The following RPH3AL variants were observed in gnomAD, a reference collection of about 807,000 sequenced individuals.
RPH3AL encodes the protein rab effector Noc2.
A neutral mutation model predicts 43.1 loss-of-function variants in RPH3AL; 38 were observed. The ratio of observed to expected loss-of-function variants is 0.88; its 90% CI spans 0.68 to 1.15. RPH3AL has a LOEUF of 1.15. Ranked by LOEUF, RPH3AL falls within the 50% of genes most tolerant of loss-of-function variation. The pLI, the probability that RPH3AL is intolerant of heterozygous loss-of-function variation, is 0.00. For synonymous variants in RPH3AL, 189 were observed against 176.3 expected, an observed-to-expected ratio of 1.07 and a Z score of -0.57; for missense variants, 462 against 423.2, an observed-to-expected ratio of 1.09 and a Z score of -0.81.
intron 5 of RPH3AL, among the ~76,000 whole-genome samples, chr17:292,837 C>T (rs564166488): frequency 6.3e-4 from 96 of 152,350 alleles, no homozygotes; most frequent in Admixed American, 4.1e-3. Flanking sequence ...GGGAGCACGC[C>T]GAGCCCTGGA....
At chr17:278,543 T>G (rs1320500613) in intron 6 of RPH3AL, among the ~76,000 whole-genome samples, 1 of 152,100 alleles carries the variant, frequency 6.6e-6, no homozygotes, top group African/African-American at 2.4e-5. Flanking sequence ...TGGAATGCTT[T>G]CCCTCCACAT....
chr17:315,471 CTCCCACCTCCATT>C (rs2043974095), intron 5 of RPH3AL, among the ~76,000 whole-genome samples: 1 of 12,278 alleles, frequency 8.1e-5, no homozygotes, highest in African/African-American at 2.1e-4. Context: ...AGTCCCTGTG[CTCCCACCTCCATT>C]GACCTGTAGT....
At chr17:346,561 C>T (rs1317281451) in intron 1 of RPH3AL, among the ~76,000 whole-genome samples, 1 of 134,020 alleles carries the variant, frequency 7.5e-6, no homozygotes, top group African/African-American at 2.6e-5. Flanking sequence ...GAAAGACCCG[C>T]CCCCATGATT....
Position 350,125 on chromosome 17 carries a change from T to C in RPH3AL, c.-213+2587A>G, listed in dbSNP as rs115279777. On this transcript the variant is annotated intron_variant, in intron 1 of 9. Coordinates refer to ENST00000331302, the MANE Select transcript of RPH3AL (RefSeq NM_006987.4). ...TTTCCCTACACTCCATTTCTTCCTC[T>C]GTACAACAGAGGTAATAAGTAATGC... 5.9e-3 allele frequency among the ~76,000 whole-genome samples: 895 copies of C among 152,354 alleles called. 14 individuals are homozygous for C. The highest frequency in any genetic ancestry group is 0.021 in the African/African-American group (864 of 41,572).
At chr17:318,376 C>T (rs1314841752) in intron 5 of RPH3AL, among the ~76,000 whole-genome samples, 1 of 152,054 alleles carries the variant, frequency 6.6e-6, no homozygotes, top group African/African-American at 2.4e-5. Flanking sequence ...AGCAAGACTC[C>T]GTCTCTGGGG....
At chr17:236,878 T>C (rs916090492) in intron 7 of RPH3AL, among the ~76,000 whole-genome samples, 4 of 152,252 alleles carry the variant, frequency 2.6e-5, no homozygotes, top group Admixed American at 1.3e-4. Flanking sequence ...GCGCTGGGTT[T>C]TGGAAGCCGG....
rs1245242341 is a variant in RPH3AL at position 316,366 on chromosome 17, A to G, written c.351+3054T>C. On this transcript the variant is annotated intron_variant, in intron 5 of 9. Coordinates refer to ENST00000331302, the MANE Select transcript of RPH3AL (RefSeq NM_006987.4). ...CCTGTAGTCTCTGTGCTCCACCTCC[A>G]TTGACCTGTAGTCTCTCTGCACCCA... Among the ~76,000 whole-genome samples, 15 of 138,320 alleles carry G rather than the reference A, an allele frequency of 1.1e-4. No individual in the cohort carries two copies. In the East Asian group the frequency reaches 1.5e-3, roughly 14 times the overall value. The allele number at this position is 138,320 out of a possible 152,430, so 90.7% of individuals were successfully genotyped here.
intron 6 of RPH3AL, among the ~76,000 whole-genome samples, chr17:251,393 T>C (rs2041899013): frequency 6.6e-6 from 1 of 152,126 alleles, no homozygotes; most frequent in South Asian, 2.1e-4. Flanking sequence ...GCTTATTATC[T>C]CCACTTTTCA....
chr17:329,225 C>T (rs1171398679), intron 2 of RPH3AL, among the ~76,000 whole-genome samples: 1 of 152,128 alleles, frequency 6.6e-6, no homozygotes, highest in Non-Finnish European at 1.5e-5. Context: ...GTAATCCCAG[C>T]ACTTTGGGAG....
intron 5 of RPH3AL, among the ~76,000 whole-genome samples, chr17:294,383 G>A (rs1250430555): frequency 6.6e-6 from 1 of 152,210 alleles, no homozygotes; most frequent in African/African-American, 2.4e-5. Flanking sequence ...GAGCTCAGAA[G>A]GTCGAGGCTG....
At chr17:218,741 T>C (rs1196653260) in intron 8 of RPH3AL, among the ~76,000 whole-genome samples, 1 of 152,154 alleles carries the variant, frequency 6.6e-6, no homozygotes, top group African/African-American at 2.4e-5. Flanking sequence ...TCCCAGAGGG[T>C]GAGCTCAGGG....
At chr17:267,056 G>A (rs1008831286) in intron 6 of RPH3AL, among the ~76,000 whole-genome samples, 6 of 152,206 alleles carry the variant, frequency 3.9e-5, no homozygotes, top group Admixed American at 3.3e-4. Flanking sequence ...CATCTCTCAC[G>A]TCACCTGTGA....
At position 225,256 on chromosome 17, in the gene RPH3AL, C is replaced by A. The variant is rs2041082834; in HGVS notation, c.614-5520G>T. Among the ~76,000 whole-genome samples the A allele has an allele frequency of 6.6e-6, 1 of 152,090 alleles. No individual in the cohort carries two copies. The highest frequency in any genetic ancestry group is 1.5e-5 in the Non-Finnish European group (1 of 68,032). On this transcript the variant is annotated intron_variant, in intron 7 of 9. Transcript: ENST00000331302. The surrounding 1 kb of genome is among the most constrained non-coding windows in gnomAD (Gnocchi z 4.4). ...TCCTTGGACTTTTATGATGCCGCAG[C>A]AAGAGGAGATGGGGATGGGGCATGG...
chr17:312,153 T>C (rs891819936), intron 5 of RPH3AL, among the ~76,000 whole-genome samples: 25 of 152,148 alleles, frequency 1.6e-4, no homozygotes, highest in African/African-American at 6.0e-4. Context: ...AATTAAAAAT[T>C]AGACAGGCGT....
rs1327744510 is a variant in RPH3AL, at chr17:245,249, A to G, written c.613+1862T>C. Among the ~76,000 whole-genome samples, 1 of 117,542 alleles carries G rather than the reference A, an allele frequency of 8.5e-6. No individual in the cohort carries two copies. The highest frequency in any genetic ancestry group is 8.5e-5 in the Admixed American group (1 of 11,812). 77.1% of individuals were successfully genotyped at this position (117,542 alleles called of 152,430 possible). On this transcript the variant is annotated intron_variant, in intron 7 of 9. Coordinates refer to ENST00000331302, the MANE Select transcript of RPH3AL (RefSeq NM_006987.4). This position sits in a 1 kb window ranked among gnomAD's most constrained non-coding sequence, Gnocchi z 5.9. ...TGTGTGTGTGCGTGTGGATGAGAGC[A>G]TGTGTGTGTGCACGTGGATGTCAGT...
chr17:215,630 A>G lies in RPH3AL; in HGVS notation c.876+24T>C. On this transcript the variant is annotated intron_variant, in intron 9 of 9. Coordinates refer to ENST00000331302, the MANE Select transcript of RPH3AL (RefSeq NM_006987.4). The surrounding 1 kb of genome is among the most constrained non-coding windows in gnomAD (Gnocchi z 4.1). ...CACGGCCGCGGGGGCAGGAGAGGGG[A>G]GAAGGCAGCAGTTGGGTACTCACCG... The G allele has an allele frequency of 7.9e-7, 1 of 1,262,734 alleles. No homozygotes were observed. The highest frequency in any genetic ancestry group is 3.6e-5 in the South Asian group (1 of 27,604). The allele number at this position is 1,262,734 out of a possible 1,614,324, so 78.2% of individuals were successfully genotyped here.
intron 5 of RPH3AL, among the ~76,000 whole-genome samples, chr17:316,427 C>T (rs528154268): frequency 2.7e-5 from 4 of 150,610 alleles, no homozygotes; most frequent in African/African-American, 9.9e-5. Context: ...ACCCCACCTC[C>T]ATTGACCTGT....
At chr17:326,876 G>A (rs1364780892) in intron 3 of RPH3AL, among the ~76,000 whole-genome samples, 1 of 152,158 alleles carries the variant, frequency 6.6e-6, no homozygotes, top group African/African-American at 2.4e-5. Context: ...AGAAAGCCAG[G>A]ACCCCCAAGG....
chr17:270,316 G>A (rs1597981094), intron 6 of RPH3AL, among the ~76,000 whole-genome samples: 1 of 152,226 alleles, frequency 6.6e-6, no homozygotes, highest in Admixed American at 6.5e-5. Context: ...GAAACAGATG[G>A]CAGCTTGCGG....
Sources: gnomAD v4.1 joint callset for allele counts (sites outside exome capture counted in the v4.1 genomes callset) on GRCh38, gnomAD v4.1.1 for gene constraint, Gnocchi (gnomAD v3.1) non-coding constraint, MANE v1.5 for transcripts, NCBI Gene and HGNC (gene_info 2026-07-23, HGNC 2026-07-21) for gene names.